The following LIPM variants were observed in gnomAD, a reference collection of about 807,000 sequenced individuals.
LIPM encodes the protein lipase member M.
LIPM carries 42 observed loss-of-function variants against 42.4 expected under a neutral mutation model. That is an observed-to-expected ratio of 0.99 (90% confidence interval 0.77 to 1.28). The LOEUF is 1.28. Ranked by LOEUF, LIPM falls within the 50% of genes most tolerant of loss-of-function variation. The pLI, the probability that LIPM is intolerant of heterozygous loss-of-function variation, is 0.00. For synonymous variants in LIPM, 177 were observed against 173.3 expected, an observed-to-expected ratio of 1.02 and a Z score of -0.17; for missense variants, 524 against 520.1, an observed-to-expected ratio of 1.01 and a Z score of -0.07.
intron 6 of LIPM, 104 bp downstream of exon 6, chr10:88,815,607 G>T: frequency 9.9e-7 from 1 of 1,006,002 alleles, no homozygotes; most frequent in African/African-American, 1.6e-5. Context: ...TCAGAGTAAT[G>T]ATATATTCTC....
rs766401713 is a variant in LIPM, at chr10:88,813,190, T to G, written c.359T>G (p.Leu120Arg). Residue 120 changes from leucine to arginine, a missense_variant, in exon 3 of 9, where the codon CTG becomes CGG. Coordinates refer to ENST00000404743, the MANE Select transcript of LIPM (RefSeq NM_001128215.1). ...NLPNNSLGFI[L>R]ADAGFDVWMG... ...CCCAACAATAGCCTGGGCTTCATTC[T>G]GGCAGATGCTGGTTTTGACGTGTGG... 7 of 1,613,696 alleles carry G rather than the reference T, an allele frequency of 4.3e-6. No homozygotes were observed. Among genetic ancestry groups the G allele is most frequent in the African/African-American group, 4.0e-5 (3 of 74,920 alleles).
At chr10:88,815,953 T>C (rs1459461135) in intron 6 of LIPM, among the ~76,000 whole-genome samples, 2 of 152,098 alleles carry the variant, frequency 1.3e-5, no homozygotes, top group Admixed American at 6.5e-5. Flanking sequence ...TACTCTGAGA[T>C]GGAGGTTAAT....
At chr10:88,806,932 A>G (rs1414967830) in intron 1 of LIPM, among the ~76,000 whole-genome samples, 1 of 151,940 alleles carries the variant, frequency 6.6e-6, no homozygotes, top group Non-Finnish European at 1.5e-5. Flanking sequence ...CTTGTGATCC[A>G]CCCACCTCAA....
chr10:88,815,246 T>C (rs1843704776), intron 5 of LIPM, 22 bp downstream of exon 5: 2 of 1,548,606 alleles, frequency 1.3e-6, no homozygotes, highest in East Asian at 2.4e-5. Flanking sequence ...CTCAGAAAAC[T>C]TCCTGTGTAC....
At chr10:88,814,465 CG>C in intron 3 of LIPM, 64 bp from the exon 4 acceptor site, 1 of 1,085,712 alleles carries the variant, frequency 9.2e-7, no homozygotes, top group Non-Finnish European at 1.4e-6. Context: ...AACCTGGTGT[CG>C]GGGGGAGCTT....
intron 1 of LIPM, among the ~76,000 whole-genome samples, chr10:88,803,657 T>A (rs1463124879): frequency 6.8e-6 from 1 of 147,742 alleles, no homozygotes; most frequent in Non-Finnish European, 1.5e-5. Context: ...TTTCAAATTC[T>A]AAGCTGGGTT....
chr10:88,812,123 A>C (rs1843663212), intron 2 of LIPM, among the ~76,000 whole-genome samples: 1 of 152,112 alleles, frequency 6.6e-6, no homozygotes, highest in Non-Finnish European at 1.5e-5. Flanking sequence ...TTGGACAGGG[A>C]TTTAATTTGC....
rs76301089 is a variant in LIPM, at chr10:88,816,757, C to A, written c.859-59C>A. On this transcript the variant is annotated intron_variant, in intron 6 of 8. Coordinates refer to ENST00000404743, the MANE Select transcript of LIPM (RefSeq NM_001128215.1). ...TGACACCCTGGAGATTTGGTCTTGACAGGGTATACATCTTGTGAGTTTTTC... is the reference window on the plus strand; with the variant it reads ...TGACACCCTGGAGATTTGGTCTTGAAAGGGTATACATCTTGTGAGTTTTTC... 1.7e-3 allele frequency: 1,875 copies of A among 1,129,234 alleles called. 1 individual carries two copies. Among genetic ancestry groups the A allele is most frequent in the Middle Eastern group, 3.3e-3 (17 of 5,208 alleles). The allele number at this position is 1,129,234 out of a possible 1,614,324, so 70.0% of individuals were successfully genotyped here. A position where few individuals can be genotyped will look rare whatever the true frequency, so the allele number is the denominator to read the frequency against.
chr10:88,807,069 C>T (rs755049584), intron 1 of LIPM, among the ~76,000 whole-genome samples: 8 of 152,108 alleles, frequency 5.3e-5, no homozygotes, highest in South Asian at 2.1e-4. Context: ...CCATAATATT[C>T]GGTTAATTGA....
chr10:88,817,016 G>C (rs568706803), intron 7 of LIPM, 129 bp downstream of exon 7: 2 of 717,210 alleles, frequency 2.8e-6, no homozygotes, highest in Non-Finnish European at 2.4e-6. Flanking sequence ...CAGTATCGTC[G>C]ATGCTATTTT....
intron 2 of LIPM, 136 bp from the exon 3 acceptor site, chr10:88,812,961 C>A: frequency 1.4e-6 from 1 of 704,978 alleles, no homozygotes; most frequent in Non-Finnish European, 2.4e-6. Context: ...AAGTAATTGG[C>A]CAAGATAACT....
chr10:88,805,872 A>C, intron 1 of LIPM: 1 of 435,386 alleles, frequency 2.3e-6, no homozygotes, highest in Non-Finnish European at 4.6e-6. Flanking sequence ...GGAGTAAGGA[A>C]AGAGATAAAT....
At chr10:88,804,434 C>A (rs1266819879) in intron 1 of LIPM, among the ~76,000 whole-genome samples, 1 of 152,144 alleles carries the variant, frequency 6.6e-6, no homozygotes, top group Non-Finnish European at 1.5e-5. Flanking sequence ...ATAGAAAATT[C>A]GTACGATTGG....
chr10:88,817,993 T>C (rs1279177862), intron 8 of LIPM, 97 bp downstream of exon 8: 1 of 975,274 alleles, frequency 1.0e-6, no homozygotes, highest in Non-Finnish European at 1.5e-6. Context: ...GGGAATAAAA[T>C]ATGAAAATTT....
At chr10:88,808,222 T>A (rs908499698) in intron 1 of LIPM, 76 bp from the exon 2 acceptor site, 2 of 802,136 alleles carry the variant, frequency 2.5e-6, no homozygotes. Context: ...CATCAAGGAA[T>A]CTACTCTTAC....
intron 1 of LIPM, among the ~76,000 whole-genome samples, chr10:88,806,717 C>A (rs303531): frequency 1.3e-5 from 2 of 152,014 alleles, no homozygotes; most frequent in East Asian, 1.9e-4. Context: ...ATGGAGTCTC[C>A]CTCTGTCACC....
intron 3 of LIPM, 53 bp downstream of exon 3, chr10:88,813,348 TG>T (rs1843677726): frequency 5.1e-6 from 7 of 1,381,326 alleles, no homozygotes; most frequent in Non-Finnish European, 6.7e-6. Flanking sequence ...TCAAAAAAAA[TG>T]GGTAAAAAAT....
chr10:88,805,783 A>C (rs1194156070), intron 1 of LIPM, among the ~76,000 whole-genome samples: 1 of 152,164 alleles, frequency 6.6e-6, no homozygotes, highest in Non-Finnish European at 1.5e-5. Flanking sequence ...TGGGGGACAG[A>C]CTCTGAGGCA....
chr10:88,802,964 T>C lies in LIPM; in HGVS notation c.68T>C (p.Val23Ala). 6.4e-7 allele frequency: 1 copy of C among 1,551,326 alleles called. No individual in the cohort carries two copies. Among genetic ancestry groups the C allele is most frequent in the East Asian group, 2.4e-5 (1 of 40,900 alleles). Residue 23 changes from valine to alanine, a missense_variant, in exon 1 of 9, where the codon GTG becomes GCG. Transcript: ENST00000404743. Reference sequence around the variant, plus strand: ...ATGGAAATGTGGCTTCTGATTCTGGTGGCGTATATGTTCCAGAGAAATGTG... The same window carrying C: ...ATGGAAATGTGGCTTCTGATTCTGGCGGCGTATATGTTCCAGAGAAATGTG... The part of the protein sequence containing the change: ...HRMEMWLLIL[V>A]AYMFQRNVNS...
Sources: allele counts gnomAD v4.1 joint callset (sites outside exome capture counted in the v4.1 genomes callset), GRCh38; gene constraint gnomAD v4.1.1; transcripts MANE v1.5; gene names NCBI Gene and HGNC (gene_info 2026-07-23, HGNC 2026-07-21).